The following GRID2 variants were observed in gnomAD, a reference collection of about 807,000 sequenced individuals.
GRID2 encodes glutamate receptor ionotropic, delta-2.
Under a neutral mutation model 114.8 loss-of-function variants are expected in GRID2, and 33 were observed. That is an observed-to-expected ratio of 0.29 (90% CI 0.22 to 0.38). The LOEUF (loss-of-function observed/expected upper bound fraction) is 0.38. Among genes scored for constraint, GRID2 ranks in the 10% least tolerant of loss-of-function variants. The pLI, the probability that GRID2 is intolerant of heterozygous loss-of-function variation, is 1.00. For synonymous variants in GRID2, 505 were observed against 449.9 expected, an observed-to-expected ratio of 1.12 and a Z score of -1.55; for missense variants, 1,184 against 1,257.7, an observed-to-expected ratio of 0.94 and a Z score of 0.89.
chr4:92,836,954 A>G (rs1742503461), intron 2 of GRID2, among the ~76,000 whole-genome samples: 1 of 152,084 alleles, frequency 6.6e-6, no homozygotes, highest in African/African-American at 2.4e-5. Context: ...GCTTGAGGAA[A>G]TTTTAAAATG....
rs142960966 is a variant in GRID2, at chr4:93,210,005, C to T, written c.789+2548C>T. Among the ~76,000 whole-genome samples the T allele has an allele frequency of 1.0e-3, 152 of 152,098 alleles. 1 individual carries two copies. Among genetic ancestry groups the T allele is most frequent in the Admixed American group, 7.4e-3 (113 of 15,264 alleles). ...TTGTAGAACTTAAGGATAAATAGACCTTTGACAGATGCATAGTTTGCAAAA... is the reference window on the plus strand; with the variant it reads ...TTGTAGAACTTAAGGATAAATAGACTTTTGACAGATGCATAGTTTGCAAAA... On this transcript the variant is annotated intron_variant, in intron 5 of 15. Transcript: ENST00000282020.
intron 2 of GRID2, among the ~76,000 whole-genome samples, chr4:92,957,594 AT>A (rs894477128): frequency 8.1e-5 from 12 of 147,256 alleles, no homozygotes; most frequent in African/African-American, 2.5e-4. Context: ...TCAGTCTTCC[AT>A]TTTTTTTTTC....
intron 1 of GRID2, among the ~76,000 whole-genome samples, chr4:92,473,266 G>A (rs1722131398): frequency 6.6e-6 from 1 of 152,014 alleles, no homozygotes; most frequent in African/African-American, 2.4e-5. Context: ...CTGTTTTGAT[G>A]TATGTGATCT....
intron 1 of GRID2, among the ~76,000 whole-genome samples, chr4:92,549,569 G>A (rs947587582): frequency 6.6e-6 from 1 of 152,026 alleles, no homozygotes; most frequent in Non-Finnish European, 1.5e-5. Context: ...AGGGACTGAG[G>A]GCTATTTAAG....
intron 5 of GRID2, among the ~76,000 whole-genome samples, chr4:93,211,964 A>G (rs1426779499): frequency 3.0e-5 from 2 of 67,070 alleles, no homozygotes; most frequent in Non-Finnish European, 4.9e-5. Flanking sequence ...GCCTCAGAAA[A>G]TGACTTACAT....
intron 14 of GRID2, among the ~76,000 whole-genome samples, chr4:93,737,159 A>C (rs1461632602): frequency 6.6e-6 from 1 of 152,104 alleles, no homozygotes; most frequent in Non-Finnish European, 1.5e-5. Flanking sequence ...AAGCTCAAAG[A>C]GTGTTAGTTC....
At chr4:93,796,030 G>A (rs984813878) in intron 1 of GRID2, among the ~76,000 whole-genome samples, 8 of 152,142 alleles carry the variant, frequency 5.3e-5, no homozygotes, top group Non-Finnish European at 1.5e-5. Flanking sequence ...TGCACTGACA[G>A]GACAGAGGCC....
chr4:93,581,406 A>G (rs1051824262), intron 13 of GRID2, among the ~76,000 whole-genome samples: 1 of 152,192 alleles, frequency 6.6e-6, no homozygotes, highest in African/African-American at 2.4e-5. Context: ...ATGTTCATCA[A>G]TTAATCCCTA....
intron 2 of GRID2, among the ~76,000 whole-genome samples, chr4:92,812,415 A>G (rs1740706382): frequency 6.6e-6 from 1 of 152,012 alleles, no homozygotes; most frequent in South Asian, 2.1e-4. Flanking sequence ...GGTGATAGGA[A>G]CTCTCTTCCC....
At chr4:93,042,459 C>G (rs1232671912) in intron 2 of GRID2, among the ~76,000 whole-genome samples, 1 of 147,906 alleles carries the variant, frequency 6.8e-6, no homozygotes, top group Non-Finnish European at 1.5e-5. Context: ...TGGAATACAG[C>G]AGGCTTTACT....
intron 2 of GRID2, among the ~76,000 whole-genome samples, chr4:92,956,970 A>T (rs1285885565): frequency 1.3e-5 from 2 of 152,144 alleles, no homozygotes; most frequent in Non-Finnish European, 2.9e-5. Flanking sequence ...TTGGTGAGGT[A>T]TCTTTTAATG....
chr4:93,515,572 A>AT (rs1415096913), intron 13 of GRID2, among the ~76,000 whole-genome samples, 161 bp downstream of exon 13: 1 of 152,138 alleles, frequency 6.6e-6, no homozygotes, highest in Non-Finnish European at 1.5e-5. Context: ...TTTAAAGAAG[A>AT]TTTTTTAGGG....
intron 13 of GRID2, among the ~76,000 whole-genome samples, chr4:93,611,891 A>C (rs535819207): frequency 6.6e-6 from 1 of 151,530 alleles, no homozygotes; most frequent in Admixed American, 6.6e-5. Context: ...TGTCTCATGG[A>C]TCTGTCTAAT....
At chr4:93,608,385 T>C (rs1740545308) in intron 13 of GRID2, among the ~76,000 whole-genome samples, 1 of 143,976 alleles carries the variant, frequency 6.9e-6, no homozygotes, top group Admixed American at 6.9e-5. Context: ...TAGGTATACA[T>C]GTGCCATGCT....
chr4:93,420,874 C>T (rs1457651518), intron 9 of GRID2, among the ~76,000 whole-genome samples: 1 of 152,008 alleles, frequency 6.6e-6, no homozygotes, highest in African/African-American at 2.4e-5. Flanking sequence ...CGGCTGCAGC[C>T]TCCCAAGTAG....
At chr4:92,922,802 G>A (rs1377618340) in intron 2 of GRID2, among the ~76,000 whole-genome samples, 4 of 152,106 alleles carry the variant, frequency 2.6e-5, no homozygotes, top group Non-Finnish European at 4.4e-5. Context: ...GAAACAAAGC[G>A]ATGCTTATTT....
intron 14 of GRID2, among the ~76,000 whole-genome samples, chr4:93,629,535 G>A (rs1311145297): frequency 2.0e-5 from 3 of 152,016 alleles, no homozygotes; most frequent in East Asian, 3.8e-4. Context: ...TTCCCTTTCT[G>A]TTAACTGATT....
intron 13 of GRID2, among the ~76,000 whole-genome samples, chr4:93,534,304 T>C (rs1731807189): frequency 1.3e-5 from 2 of 152,172 alleles, no homozygotes; most frequent in African/African-American, 4.8e-5. Flanking sequence ...TTTTTTATTA[T>C]ATGTATTTAA....
At chr4:92,681,838 G>GA (rs1733665026) in intron 2 of GRID2, among the ~76,000 whole-genome samples, 1 of 152,006 alleles carries the variant, frequency 6.6e-6, no homozygotes, top group Non-Finnish European at 1.5e-5. Flanking sequence ...GGAAGATGAA[G>GA]GGTATATGGT....
Sources: allele counts gnomAD v4.1 joint callset (sites outside exome capture counted in the v4.1 genomes callset), GRCh38; gene constraint gnomAD v4.1.1; transcripts MANE v1.5; gene names NCBI Gene and HGNC (gene_info 2026-07-23, HGNC 2026-07-21).